The following ZBTB38 variants were observed in gnomAD, a reference collection of about 807,000 sequenced individuals.
ZBTB38 encodes the protein zinc finger and BTB domain-containing protein 38.
Under a neutral mutation model 76.8 loss-of-function variants are expected in ZBTB38, and 20 were observed. That is an observed-to-expected ratio of 0.26 (90% CI 0.18 to 0.38). The LOEUF (loss-of-function observed/expected upper bound fraction) is 0.38, where lower values mean the gene tolerates loss of function less well. ZBTB38 is among the 10% of genes least tolerant of loss of function. ZBTB38 has a pLI of 1.00. For missense variants in ZBTB38, 1,082 were observed against 1,482.3 expected (o/e 0.73, Z 4.43); for synonymous variants, 504 against 544.2 (o/e 0.93, Z 1.03).
chr3:141,351,697 G>A (rs944795374), intron 1 of ZBTB38, among the ~76,000 whole-genome samples: 8 of 144,814 alleles, frequency 5.5e-5, no homozygotes, highest in Admixed American at 4.1e-4. Flanking sequence ...TCCAGCCTGG[G>A]TAACAGAGCA....
intron 4 of ZBTB38, among the ~76,000 whole-genome samples, chr3:141,396,781 G>C (rs1009304613): frequency 6.6e-6 from 1 of 152,160 alleles, no homozygotes; most frequent in Non-Finnish European, 1.5e-5. Context: ...TGGGTGACCA[G>C]GTATATTGTC....
At chr3:141,423,685 GA>G (rs1202187338) in intron 5 of ZBTB38, among the ~76,000 whole-genome samples, 5 of 152,156 alleles carry the variant, frequency 3.3e-5, no homozygotes, top group Non-Finnish European at 7.3e-5. Flanking sequence ...GACTTCAAGG[GA>G]AGCTTGAACC....
upstream of ZBTB38, among the ~76,000 whole-genome samples, chr3:141,367,969 G>A (rs1460835310): frequency 6.6e-6 from 1 of 152,172 alleles, no homozygotes; most frequent in Non-Finnish European, 1.5e-5. Context: ...TGGCACCCAG[G>A]GTAGGGAGCG....
intron 1 of ZBTB38, among the ~76,000 whole-genome samples, chr3:141,329,739 T>C (rs968840461): frequency 1.3e-5 from 2 of 152,198 alleles, no homozygotes; most frequent in East Asian, 3.9e-4. Context: ...TAGAATCCTA[T>C]ATTTCAACCT....
intron 1 of ZBTB38, among the ~76,000 whole-genome samples, chr3:141,328,691 C>G (rs1194960521): frequency 6.6e-6 from 1 of 152,164 alleles, no homozygotes; most frequent in Non-Finnish European, 1.5e-5. Context: ...CACAGCCCAA[C>G]CACACCACTC....
chr3:141,445,158 C>T lies in ZBTB38; in HGVS notation c.2770C>T (p.Pro924Ser), dbSNP rs2080935359. The T allele has an allele frequency of 1.9e-6, 3 of 1,613,892 alleles. No individual in the cohort carries two copies. Among genetic ancestry groups the T allele is most frequent in the Non-Finnish European group, 2.5e-6 (3 of 1,180,012 alleles). ...GTGGCGCCCTTACTACAACTACAAA[C>T]CCAAAAAGAAATCCAGACAGTTGAA... ...KPWRPYYNYK[P>S]KKKSRQLKKM... The change falls in exon 6 of 6, where the codon CCC becomes TCC. Residue 924 changes from proline to serine, a missense_variant. Around this residue, in one of 8 missense-constraint regions of ZBTB38, gnomAD observed 471 missense variants for 581.0 expected, o/e 0.81. Coordinates refer to ENST00000321464, the MANE Select transcript of ZBTB38 (RefSeq NM_001376113.1). The surrounding 1 kb of genome is among the most constrained non-coding windows in gnomAD (Gnocchi z 6.5).
At chr3:141,426,073 C>T (rs887935107) in intron 5 of ZBTB38, 7 of 1,156,262 alleles carry the variant, frequency 6.1e-6, no homozygotes, top group Non-Finnish European at 8.1e-6. Context: ...ACAATGGGGA[C>T]ATTGTTGCAT....
chr3:141,343,629 C>T (rs1305258098), intron 1 of ZBTB38, among the ~76,000 whole-genome samples: 2 of 152,156 alleles, frequency 1.3e-5, no homozygotes, highest in Non-Finnish European at 2.9e-5. Context: ...GATAATTATC[C>T]TCAGCCCCTG....
At chr3:141,358,802 T>G (rs887570181) in intron 1 of ZBTB38, among the ~76,000 whole-genome samples, 1 of 152,220 alleles carries the variant, frequency 6.6e-6, no homozygotes, top group African/African-American at 2.4e-5. Flanking sequence ...TCTGGACATT[T>G]TATATGCATG....
chr3:141,378,477 G>A (rs560398014), intron 2 of ZBTB38, among the ~76,000 whole-genome samples: 4 of 152,322 alleles, frequency 2.6e-5, no homozygotes, highest in East Asian at 1.9e-4. Context: ...GTACTACAGC[G>A]ATGTAAGACA....
intron 5 of ZBTB38, among the ~76,000 whole-genome samples, chr3:141,406,956 C>A (rs1954734236): frequency 6.6e-6 from 1 of 152,068 alleles, no homozygotes; most frequent in Non-Finnish European, 1.5e-5. Flanking sequence ...ACAAATTAAA[C>A]CACTCAAATT....
intron 5 of ZBTB38, chr3:141,434,229 A>T: frequency 1.0e-6 from 1 of 984,956 alleles, no homozygotes; most frequent in South Asian, 4.7e-5. Context: ...AGACAAGAAC[A>T]AATGAGGATT....
Position 141,444,996 on chromosome 3 carries a change from A to G in ZBTB38, c.2608A>G (p.Met870Val). ...YKRGRRPKYQ[M>V]QEEPLPQGND... ...AAGAGGGAGAAGACCCAAGTATCAG[A>G]TGCAGGAGGAGCCTTTGCCACAGGG... Residue 870 changes from methionine to valine, a missense_variant, in exon 6 of 6, where the codon ATG becomes GTG. By Grantham distance (21) the Met-to-Val change is conservative. Transcript: ENST00000321464. This position sits in a 1 kb window ranked among gnomAD's most constrained non-coding sequence, Gnocchi z 5.1. 4 of 1,614,240 alleles carry G rather than the reference A, an allele frequency of 2.5e-6. No individual in the cohort carries two copies. Among genetic ancestry groups the G allele is most frequent in the Non-Finnish European group, 3.4e-6 (4 of 1,180,038 alleles).
At chr3:141,429,379 G>A (rs991199519) in intron 5 of ZBTB38, among the ~76,000 whole-genome samples, 27 of 152,064 alleles carry the variant, frequency 1.8e-4, no homozygotes, top group Admixed American at 1.2e-3. Flanking sequence ...GGGATCGTGA[G>A]TGCAGGGAAT....
rs1374649759 is a variant in ZBTB38, at chr3:141,445,162, A to G, written c.2774A>G (p.Lys925Arg). Residue 925 changes from lysine to arginine, a missense_variant, in exon 6 of 6, where the codon AAA becomes AGA. By Grantham distance (26) the Lys-to-Arg change is conservative. This residue lies in a region of ZBTB38 where 471 missense variants were observed against 581.0 expected (regional missense o/e 0.81). Coordinates refer to ENST00000321464, the MANE Select transcript of ZBTB38 (RefSeq NM_001376113.1). This position sits in a 1 kb window ranked among gnomAD's most constrained non-coding sequence, Gnocchi z 6.5. ...CGCCCTTACTACAACTACAAACCCAAAAAGAAATCCAGACAGTTGAAAAAA... is the reference window on the plus strand; with the variant it reads ...CGCCCTTACTACAACTACAAACCCAGAAAGAAATCCAGACAGTTGAAAAAA... ...PWRPYYNYKP[K>R]KKSRQLKKMR... is the part of the protein sequence containing the mutation. 1.2e-6 allele frequency: 2 copies of G among 1,614,014 alleles called. No individual in the cohort carries two copies. The highest frequency in any genetic ancestry group is 4.5e-5 in the East Asian group (2 of 44,874).
At chr3:141,344,544 T>C (rs1410756469) in intron 1 of ZBTB38, among the ~76,000 whole-genome samples, 1 of 152,138 alleles carries the variant, frequency 6.6e-6, no homozygotes, top group African/African-American at 2.4e-5. Context: ...AATTTTTTGT[T>C]TTTATTTTTT....
intron 4 of ZBTB38, among the ~76,000 whole-genome samples, chr3:141,391,074 T>G (rs910432385): frequency 2.6e-5 from 4 of 152,000 alleles, no homozygotes; most frequent in African/African-American, 9.7e-5. Context: ...GTAGGAGTAT[T>G]ACTTGAGCCC....
intron 1 of ZBTB38, among the ~76,000 whole-genome samples, chr3:141,357,199 C>T (rs1207918677): frequency 1.3e-5 from 2 of 152,168 alleles, no homozygotes; most frequent in Non-Finnish European, 2.9e-5. Flanking sequence ...GTTTTATATA[C>T]TATTTGTCAT....
chr3:141,443,475 C>T lies in ZBTB38; in HGVS notation c.1087C>T (p.Leu363Phe), dbSNP rs2150981795. The stretch of plus-strand genomic sequence containing the variant: ...CACTCTGCTCAGTGCCCACATGCAG[C>T]TTCACAAGCCAACCCAGGAGCCTTT... ...SSTLLSAHMQ[L>F]HKPTQEPLVC... is the part of the protein sequence containing the mutation. The change falls in exon 6 of 6, where the codon CTT becomes TTT. Residue 363 changes from leucine to phenylalanine, a missense_variant. Around this residue, in one of 8 missense-constraint regions of ZBTB38, gnomAD observed 324 missense variants for 359.1 expected, o/e 0.90. Transcript: ENST00000321464. This position sits in a 1 kb window ranked among gnomAD's most constrained non-coding sequence, Gnocchi z 5.6. The T allele has an allele frequency of 1.2e-6, 2 of 1,614,232 alleles. No individual in the cohort carries two copies. Among genetic ancestry groups the T allele is most frequent in the South Asian group, 1.1e-5 (1 of 91,084 alleles).
Sources: allele counts gnomAD v4.1 joint callset (sites outside exome capture counted in the v4.1 genomes callset), GRCh38; gene constraint gnomAD v4.1.1; regional missense constraint gnomAD v4.1.1; non-coding constraint Gnocchi (gnomAD v3.1); transcripts MANE v1.5; gene names NCBI Gene and HGNC (gene_info 2026-07-23, HGNC 2026-07-21).